HIVEP3: variants seen among roughly 807,000 people sequenced by gnomAD.
HIVEP3 encodes the protein transcription factor HIVEP3.
In HIVEP3, 49 loss-of-function variants were observed where a neutral mutation model predicts 152.8. The observed-to-expected ratio is 0.32, with a 90% CI of 0.26 to 0.41. HIVEP3 has a LOEUF of 0.41. Among genes scored for constraint, HIVEP3 ranks in the 10% least tolerant of loss-of-function variants. The probability of loss-of-function intolerance (pLI) is 1.00; values close to 1 mark genes in which losing one functional copy is unlikely to be tolerated. For synonymous variants in HIVEP3, 1,269 were observed against 1,289.0 expected, an observed-to-expected ratio of 0.98 and a Z score of 0.33; for missense variants, 2,790 against 3,103.3, an observed-to-expected ratio of 0.90 and a Z score of 2.40.
intron 1 of HIVEP3, among the ~76,000 whole-genome samples, chr1:41,843,761 T>A (rs1478378058): frequency 6.6e-6 from 1 of 152,108 alleles, no homozygotes; most frequent in Non-Finnish European, 1.5e-5. Flanking sequence ...CACATTCTGA[T>A]TTTTTTTATT....
chr1:41,524,000 C>A (rs1642832349), intron 6 of HIVEP3, among the ~76,000 whole-genome samples: 1 of 152,232 alleles, frequency 6.6e-6, no homozygotes, highest in Non-Finnish European at 1.5e-5. Flanking sequence ...CCTTTGTCCA[C>A]ACCAGGGGCC....
intron 5 of HIVEP3, 87 bp from the exon 6 acceptor site, chr1:41,524,997 C>G (rs1266967434): frequency 7.9e-7 from 1 of 1,261,236 alleles, no homozygotes; most frequent in East Asian, 2.3e-5. Flanking sequence ...TTCCTAGATT[C>G]ATCCAGCCCG....
At chr1:41,536,869 C>G (rs1214377814) in intron 5 of HIVEP3, among the ~76,000 whole-genome samples, 1 of 152,184 alleles carries the variant, frequency 6.6e-6, no homozygotes. Flanking sequence ...GTTAAATAAC[C>G]TGCCCAAGGT....
chr1:41,966,278 C>G (rs1285653584), intron 1 of HIVEP3, among the ~76,000 whole-genome samples: 1 of 152,110 alleles, frequency 6.6e-6, no homozygotes, highest in Non-Finnish European at 1.5e-5. Flanking sequence ...AAAAAACACA[C>G]TGAAGTACAC....
At chr1:41,735,446 G>C (rs1237525143) in intron 1 of HIVEP3, among the ~76,000 whole-genome samples, 1 of 152,280 alleles carries the variant, frequency 6.6e-6, no homozygotes, top group South Asian at 2.1e-4. Context: ...TTGTCTGTGG[G>C]GAAAATGAGC....
intron 1 of HIVEP3, among the ~76,000 whole-genome samples, chr1:41,724,273 G>A (rs1442053700): frequency 6.6e-6 from 1 of 152,192 alleles, no homozygotes; most frequent in Non-Finnish European, 1.5e-5. Flanking sequence ...TCTTCTGTAT[G>A]TTCCCACCCC....
intron 1 of HIVEP3, among the ~76,000 whole-genome samples, chr1:41,925,272 T>A (rs1477309979): frequency 6.6e-6 from 1 of 152,224 alleles, no homozygotes; most frequent in Non-Finnish European, 1.5e-5. Flanking sequence ...CAAAAATTCA[T>A]GTATAACTTT....
rs998288652 is a variant in HIVEP3, at chr1:41,662,796, G to A, written c.-720-33849C>T. On this transcript the variant is annotated intron_variant, in intron 2 of 8. Coordinates refer to ENST00000372583, the MANE Select transcript of HIVEP3 (RefSeq NM_024503.5). The surrounding 1 kb of genome is among the most constrained non-coding windows in gnomAD (Gnocchi z 7.2). ...GGGAAGCCCCTGTCGCCGCCGCCGG[G>A]GCCCTGCCACTCTGCGCCACGCCTT... is the stretch of plus-strand genomic sequence containing the variant. Among the ~76,000 whole-genome samples the A allele has an allele frequency of 7.2e-5, 11 of 152,088 alleles. No individual in the cohort carries two copies. The highest frequency in any genetic ancestry group is 2.7e-4 in the African/African-American group (11 of 41,452).
intron 1 of HIVEP3, among the ~76,000 whole-genome samples, chr1:41,849,881 G>C (rs1270429304): frequency 6.6e-6 from 1 of 151,964 alleles, no homozygotes; most frequent in Non-Finnish European, 1.5e-5. Flanking sequence ...AGTAGACATG[G>C]GGTTTCACCA....
At chr1:41,990,589 C>T (rs1341713803) in intron 1 of HIVEP3, among the ~76,000 whole-genome samples, 1 of 147,094 alleles carries the variant, frequency 6.8e-6, no homozygotes, top group African/African-American at 2.5e-5. Flanking sequence ...TTAGACAGAT[C>T]AACGAGACAG....
intron 1 of HIVEP3, among the ~76,000 whole-genome samples, chr1:41,902,038 G>C (rs923021907): frequency 6.6e-6 from 1 of 152,142 alleles, no homozygotes; most frequent in African/African-American, 2.4e-5. Context: ...TGGCTAAGAA[G>C]TGAGGAGGGG....
chr1:41,953,902 G>A (rs1246536324), intron 1 of HIVEP3, among the ~76,000 whole-genome samples: 1 of 152,206 alleles, frequency 6.6e-6, no homozygotes, highest in Admixed American at 6.5e-5. Flanking sequence ...CAAGGCTGCA[G>A]CAGCCCTTTT....
chr1:41,926,325 C>T (rs1001957554), intron 1 of HIVEP3, among the ~76,000 whole-genome samples: 1 of 152,192 alleles, frequency 6.6e-6, no homozygotes, highest in Non-Finnish European at 1.5e-5. Context: ...CAAGACCTTA[C>T]ATTTAGCCCT....
At chr1:41,558,533 T>C (rs776492244) in intron 5 of HIVEP3, among the ~76,000 whole-genome samples, 9 of 152,196 alleles carry the variant, frequency 5.9e-5, no homozygotes, top group Non-Finnish European at 1.0e-4. Context: ...CTCCTCTTTG[T>C]GACAGGGTAG....
chr1:41,880,679 T>G (rs2124426216), intron 1 of HIVEP3, among the ~76,000 whole-genome samples: 1 of 152,230 alleles, frequency 6.6e-6, no homozygotes, highest in East Asian at 1.9e-4. Context: ...CAAGATCAGT[T>G]TTCGAGGTCT....
intron 2 of HIVEP3, among the ~76,000 whole-genome samples, chr1:41,659,586 A>G (rs1645680869): frequency 6.6e-6 from 1 of 152,172 alleles, no homozygotes; most frequent in Non-Finnish European, 1.5e-5. Flanking sequence ...CATTCAATAA[A>G]TGCTATTGAC....
At chr1:41,680,777 A>G (rs1299319387) in intron 2 of HIVEP3, among the ~76,000 whole-genome samples, 2 of 152,258 alleles carry the variant, frequency 1.3e-5, no homozygotes, top group Non-Finnish European at 2.9e-5. Flanking sequence ...AACGTATTGT[A>G]CACTTGAAAT....
intron 5 of HIVEP3, among the ~76,000 whole-genome samples, chr1:41,525,485 C>T (rs536894529): frequency 2.4e-4 from 36 of 152,234 alleles, no homozygotes; most frequent in African/African-American, 8.2e-4. Flanking sequence ...ACCTGCCTGC[C>T]CCAAAGCCTG....
intron 1 of HIVEP3, among the ~76,000 whole-genome samples, chr1:41,882,849 T>G (rs540512238): frequency 6.6e-6 from 1 of 152,340 alleles, no homozygotes; most frequent in Admixed American, 6.5e-5. Context: ...CTGTTAGAGT[T>G]CAGGAGTTGG....
Sources: allele counts gnomAD v4.1 joint callset (sites outside exome capture counted in the v4.1 genomes callset), GRCh38; gene constraint gnomAD v4.1.1; non-coding constraint Gnocchi (gnomAD v3.1); transcripts MANE v1.5; gene names NCBI Gene and HGNC (gene_info 2026-07-23, HGNC 2026-07-21).